The following CCR5AS variants were observed in gnomAD, a reference collection of about 807,000 sequenced individuals.
CCR5AS encodes CCR5 antisense RNA.
intron 2 of CCR5AS, among the ~76,000 whole-genome samples, chr3:46,386,712 T>C (rs1411725643): frequency 1.3e-5 from 2 of 152,212 alleles, no homozygotes; most frequent in African/African-American, 4.8e-5. Flanking sequence ...CTGGAGAAAT[T>C]TGAACACTGA....
intron 1 of CCR5AS, among the ~76,000 whole-genome samples, chr3:46,403,191 G>T (rs1055175738): frequency 4.6e-5 from 7 of 152,168 alleles, no homozygotes; most frequent in African/African-American, 1.7e-4. Flanking sequence ...GAATAGTGCT[G>T]CAATGAACAT....
chr3:46,373,719 A>G, intron 2 of CCR5AS: 17 of 1,614,110 alleles, frequency 1.1e-5, no homozygotes, highest in Non-Finnish European at 1.4e-5. Context: ...CAGTAGCTCT[A>G]ACAGGTTGGA....
chr3:46,372,762 G>A (rs1701680319), intron 2 of CCR5AS: 3 of 639,232 alleles, frequency 4.7e-6, no homozygotes, highest in Non-Finnish European at 7.8e-6. Flanking sequence ...GCCAAAAAGA[G>A]AGTTAATTCA....
Position 46,373,038 on chromosome 3 carries a change from G to A in CCR5AS, n.392-1621C>T, listed in dbSNP as rs41425744. The stretch of plus-strand genomic sequence containing the variant: ...CTCACTGGTGTTCATCTTTGGTTTT[G>A]TGGGCAACATGCTGGTCATCCTCAT... On this transcript the variant is annotated intron_variant and non_coding_transcript_variant, in intron 2 of 3. Transcript: ENST00000451485. 217 of 1,614,160 alleles carry A rather than the reference G, an allele frequency of 1.3e-4. No homozygotes were observed. In the African/African-American group the frequency reaches 2.3e-3, roughly 17 times the overall value.
chr3:46,372,332 A>G (rs951900819), intron 2 of CCR5AS, among the ~76,000 whole-genome samples: 4 of 152,076 alleles, frequency 2.6e-5, no homozygotes, highest in African/African-American at 9.7e-5. Context: ...GGAGTTCGAG[A>G]CCAGCCTGGG....
intron 3 of CCR5AS, chr3:46,371,081 C>T (rs1701654561): frequency 5.3e-5 from 8 of 152,134 alleles, no homozygotes; most frequent in Admixed American, 5.2e-4. Flanking sequence ...TTGGCAAACA[C>T]CAAGTGCTCA....
At chr3:46,398,093 A>G (rs1452852718) in intron 1 of CCR5AS, among the ~76,000 whole-genome samples, 1 of 152,198 alleles carries the variant, frequency 6.6e-6, no homozygotes. Flanking sequence ...GAAAACACAA[A>G]CACTTATCTA....
intron 3 of CCR5AS, among the ~76,000 whole-genome samples, chr3:46,365,992 C>A (rs532466329): frequency 6.6e-6 from 1 of 152,358 alleles, no homozygotes; most frequent in Admixed American, 6.5e-5. Context: ...AGTCCCCATT[C>A]CTCATATGGT....
At chr3:46,387,902 T>C (rs1701876983) in intron 2 of CCR5AS, among the ~76,000 whole-genome samples, 2 of 151,936 alleles carry the variant, frequency 1.3e-5, no homozygotes, top group Admixed American at 1.3e-4. Context: ...AGGTGCTCAG[T>C]GGGGAGCTCC....
chr3:46,372,649 A>G, intron 2 of CCR5AS: 1 of 353,092 alleles, frequency 2.8e-6, no homozygotes, highest in Non-Finnish European at 5.2e-6. Flanking sequence ...TTATTTGGTG[A>G]GATGGTGCTT....
At chr3:46,406,386 C>T (rs569288980) in intron 1 of CCR5AS, among the ~76,000 whole-genome samples, 1 of 152,130 alleles carries the variant, frequency 6.6e-6, no homozygotes, top group Admixed American at 6.5e-5. Flanking sequence ...TCAAGTTCCT[C>T]TTCTCGGTTC....
At chr3:46,400,243 G>A (rs1350729552) in intron 1 of CCR5AS, among the ~76,000 whole-genome samples, 6 of 152,042 alleles carry the variant, frequency 3.9e-5, no homozygotes, top group Admixed American at 6.5e-5. Flanking sequence ...TGCCCACCTC[G>A]GCCTCCCAAA....
chr3:46,366,183 T>C (rs1246700010), intron 3 of CCR5AS, among the ~76,000 whole-genome samples: 3 of 152,340 alleles, frequency 2.0e-5, no homozygotes, highest in Admixed American at 1.3e-4. Context: ...TAGTAAGCCC[T>C]GGGAGAGGTG....
chr3:46,380,486 G>A (rs144943254), intron 2 of CCR5AS, among the ~76,000 whole-genome samples: 11 of 152,270 alleles, frequency 7.2e-5, no homozygotes, highest in African/African-American at 2.4e-4. Context: ...GAATCCTATG[G>A]TTTGAAAACA....
intron 2 of CCR5AS, among the ~76,000 whole-genome samples, chr3:46,378,943 A>G (rs980472856): frequency 7.3e-5 from 11 of 150,000 alleles, no homozygotes; most frequent in African/African-American, 2.7e-4. Context: ...TGTATATCTG[A>G]TGATTGTGGG....
chr3:46,397,268 C>T (rs1395782423), intron 1 of CCR5AS, among the ~76,000 whole-genome samples: 2 of 152,232 alleles, frequency 1.3e-5, no homozygotes, highest in Non-Finnish European at 1.5e-5. Context: ...ACCTGAATCT[C>T]CCTCTAGAAT....
chr3:46,390,486 C>G (rs1240374821), intron 2 of CCR5AS, among the ~76,000 whole-genome samples: 1 of 152,050 alleles, frequency 6.6e-6, no homozygotes, highest in Non-Finnish European at 1.5e-5. Flanking sequence ...GGCTTTAACC[C>G]TTTTAAAGCC....
In CCR5AS at chr3:46,373,532, G is replaced by A. The variant is rs768338339; in HGVS notation, n.392-2115C>T. 4 of 1,613,218 alleles carry A rather than the reference G, an allele frequency of 2.5e-6. No individual in the cohort carries two copies. The Middle Eastern group carries it at 4.9e-4, about 200-fold the overall frequency. Reference sequence around the variant, plus strand: ...GGCTGGTCCTGCCGCTGCTTGTCATGGTCATCTGCTACTCGGGAATCCTAA... The same window carrying A: ...GGCTGGTCCTGCCGCTGCTTGTCATAGTCATCTGCTACTCGGGAATCCTAA... On this transcript the variant is annotated intron_variant and non_coding_transcript_variant, in intron 2 of 3. Coordinates refer to ENST00000451485, the Ensembl canonical transcript of CCR5AS.
chr3:46,402,507 T>C lies in CCR5AS; in HGVS notation n.163+4390A>G, dbSNP rs1702012872. On this transcript the variant is annotated intron_variant and non_coding_transcript_variant, in intron 1 of 3. Transcript: ENST00000451485. ...TGGTATTTAAAACTTATAATGGCTATTATGTGAGATTATCACTATCATAGT... is the reference window on the plus strand; with the variant it reads ...TGGTATTTAAAACTTATAATGGCTACTATGTGAGATTATCACTATCATAGT... 2.0e-5 allele frequency among the ~76,000 whole-genome samples: 3 copies of C among 152,362 alleles called. No homozygotes were observed. The East Asian group carries it at 5.8e-4, about 29-fold the overall frequency.
Sources: gnomAD v4.1 joint callset for allele counts (sites outside exome capture counted in the v4.1 genomes callset) on GRCh38, gnomAD v4.1.1 for gene constraint, MANE v1.5 for transcripts, NCBI Gene and HGNC (gene_info 2026-07-23, HGNC 2026-07-21) for gene names.